DIAPH2: variants seen among roughly 807,000 people sequenced by gnomAD.
DIAPH2 encodes protein diaphanous homolog 2.
DIAPH2 carries 35 observed loss-of-function variants against 92.7 expected under a neutral mutation model. The ratio of observed to expected loss-of-function variants is 0.38; its 90% CI spans 0.29 to 0.50. The LOEUF is 0.50. Among genes scored for constraint, DIAPH2 ranks in the 20% least tolerant of loss-of-function variants. DIAPH2 has a pLI of 0.94. For missense variants in DIAPH2, 701 were observed against 819.5 expected (o/e 0.86, Z 1.77); for synonymous variants, 301 against 280.4 (o/e 1.07, Z -0.73).
intron 26 of DIAPH2, among the ~76,000 whole-genome samples, chrX:97,598,941 A>T (rs7054783): frequency 6.5e-4 from 73 of 112,305 alleles, no homozygotes; most frequent in African/African-American, 2.4e-3. Context: ...TCAATTTAAC[A>T]TCTTTACCAA....
At chrX:97,485,256 T>C (rs761766545) in intron 26 of DIAPH2, among the ~76,000 whole-genome samples, 3 of 111,679 alleles carry the variant, frequency 2.7e-5, no homozygotes, top group East Asian at 5.7e-4. Context: ...TAGCCTAAAA[T>C]AGAGAAAAGA....
chrX:96,967,405 T>A (rs2065899891), intron 17 of DIAPH2, among the ~76,000 whole-genome samples: 1 of 110,182 alleles, frequency 9.1e-6, no homozygotes, highest in South Asian at 3.9e-4. Context: ...TATTCATTCA[T>A]TCATTCATTC....
intron 17 of DIAPH2, among the ~76,000 whole-genome samples, chrX:96,967,882 A>C (rs2065903752): frequency 9.0e-6 from 1 of 111,099 alleles, no homozygotes; most frequent in Non-Finnish European, 1.9e-5. Flanking sequence ...CTTTTGGGGG[A>C]AATGATTTCT....
At chrX:97,300,617 TAAAA>T (rs11325055) in intron 23 of DIAPH2, among the ~76,000 whole-genome samples, 3 of 88,530 alleles carry the variant, frequency 3.4e-5, no homozygotes, top group Admixed American at 1.4e-4. Flanking sequence ...AAAGCTTATT[TAAAA>T]AAAAAAAAAA....
chrX:96,830,342 C>T (rs1246977273), intron 4 of DIAPH2, among the ~76,000 whole-genome samples: 1 of 109,837 alleles, frequency 9.1e-6, no homozygotes, highest in Non-Finnish European at 1.9e-5. Context: ...GAGGCCGAGG[C>T]GGGTGGATCA....
intron 26 of DIAPH2, among the ~76,000 whole-genome samples, chrX:97,559,414 C>T (rs1456895910): frequency 9.3e-6 from 1 of 107,733 alleles, no homozygotes; most frequent in South Asian, 4.2e-4. Context: ...CGCTTGAATC[C>T]AGGAGGCGGA....
At chrX:96,805,212 C>T (rs1397708139) in intron 4 of DIAPH2, among the ~76,000 whole-genome samples, 1 of 9,590 alleles carries the variant, frequency 1.0e-4, no homozygotes, top group Non-Finnish European at 1.5e-4. Context: ...TATTTATACA[C>T]ACACACACAT....
intron 12 of DIAPH2, among the ~76,000 whole-genome samples, chrX:96,941,043 T>G (rs894135796): frequency 4.5e-5 from 5 of 111,500 alleles, no homozygotes; most frequent in African/African-American, 1.6e-4. Flanking sequence ...GACCCGAAGA[T>G]GACTTGAAAA....
At chrX:97,288,136 C>G (rs1028064779) in intron 23 of DIAPH2, among the ~76,000 whole-genome samples, 1 of 110,605 alleles carries the variant, frequency 9.0e-6, no homozygotes, top group Admixed American at 9.8e-5. Flanking sequence ...AAAAACAAAA[C>G]ACATACAAAT....
At chrX:96,883,440 G>A (rs1426927814) in intron 5 of DIAPH2, among the ~76,000 whole-genome samples, 1 of 108,060 alleles carries the variant, frequency 9.3e-6, no homozygotes, top group African/African-American at 3.4e-5. Context: ...GAGTGCAGTG[G>A]TGCTGTCTCG....
intron 8 of DIAPH2, among the ~76,000 whole-genome samples, chrX:96,916,987 T>A (rs1329327511): frequency 9.0e-6 from 1 of 111,599 alleles, no homozygotes; most frequent in Non-Finnish European, 1.9e-5. Flanking sequence ...TTACTTTATA[T>A]GCCATGGTAA....
At chrX:96,716,930 G>T (rs1219069199) in intron 1 of DIAPH2, among the ~76,000 whole-genome samples, 2 of 111,380 alleles carry the variant, frequency 1.8e-5, no homozygotes, top group Non-Finnish European at 3.8e-5. Context: ...TCATTGATTT[G>T]AGTACTTAAG....
intron 26 of DIAPH2, among the ~76,000 whole-genome samples, chrX:97,509,750 CAT>C (rs2070871025): frequency 9.4e-6 from 1 of 106,264 alleles, no homozygotes; most frequent in African/African-American, 3.4e-5. Flanking sequence ...TGAGTGAGAA[CAT>C]GTGGTGTTTG....
Position 96,962,394 on chromosome X carries a change from CATATATATACACAT to C in DIAPH2, c.1936-2677_1936-2664del, listed in dbSNP as rs1181741410. 3.0e-3 allele frequency among the ~76,000 whole-genome samples: 168 copies of C among 55,579 alleles called. 3 individuals are homozygous for C. The highest frequency in any genetic ancestry group is 3.9e-3 in the Non-Finnish European group (127 of 32,684). 48.3% of individuals were successfully genotyped at this position (55,579 alleles called of 115,157 possible). ...ATATATATATACACATATATATACACATATATATACACATATATATATACACATATATATACATA... is the reference window on the plus strand; with the variant it reads ...ATATATATATACACATATATATACACATATATATACACATATATATACATA... On this transcript the variant is annotated intron_variant, in intron 16 of 26. Coordinates refer to ENST00000324765, the MANE Select transcript of DIAPH2 (RefSeq NM_006729.5).
chrX:97,165,879 A>G (rs2067408742), intron 22 of DIAPH2, among the ~76,000 whole-genome samples: 1 of 110,430 alleles, frequency 9.1e-6, no homozygotes, highest in Non-Finnish European at 1.9e-5. Flanking sequence ...CAGCTGCTTA[A>G]AAACCATCCC....
intron 4 of DIAPH2, among the ~76,000 whole-genome samples, chrX:96,875,470 A>AT (rs1402241905): frequency 2.7e-5 from 3 of 111,884 alleles, no homozygotes; most frequent in Non-Finnish European, 3.8e-5. Flanking sequence ...ACTTATTTAA[A>AT]TTTTTTTGGG....
intron 26 of DIAPH2, among the ~76,000 whole-genome samples, chrX:97,472,608 T>C (rs1264726614): frequency 8.9e-6 from 1 of 112,000 alleles, no homozygotes; most frequent in East Asian, 2.8e-4. Flanking sequence ...TAAATGCAAA[T>C]GAATGGAGTG....
At chrX:97,257,518 T>G (rs758496185) in intron 23 of DIAPH2, among the ~76,000 whole-genome samples, 131 of 111,758 alleles carry the variant, frequency 1.2e-3, no homozygotes, top group African/African-American at 4.2e-3. Flanking sequence ...TGCTAAGACA[T>G]TATCAAATTT....
chrX:96,900,746 T>G (rs934903399), intron 5 of DIAPH2, among the ~76,000 whole-genome samples: 1 of 112,206 alleles, frequency 8.9e-6, no homozygotes, highest in African/African-American at 3.2e-5. Flanking sequence ...TTTATGTGAT[T>G]TATCACATCT....
Sources: gnomAD v4.1 joint callset for allele counts (sites outside exome capture counted in the v4.1 genomes callset) on GRCh38, gnomAD v4.1.1 for gene constraint, MANE v1.5 for transcripts, NCBI Gene and HGNC (gene_info 2026-07-23, HGNC 2026-07-21) for gene names.